The following AP3D1 variants were observed in gnomAD, a reference collection of about 807,000 sequenced individuals.
AP3D1 encodes the protein adaptor related protein complex 3 subunit delta 1, also known as AP-3 complex subunit delta-1.
AP3D1 carries 51 observed loss-of-function variants against 147.6 expected under a neutral mutation model. The ratio of observed to expected loss-of-function variants is 0.35; its 90% CI spans 0.28 to 0.44. AP3D1 has a LOEUF of 0.44. AP3D1 is among the 20% of genes least tolerant of loss of function. The pLI, the probability that AP3D1 is intolerant of heterozygous loss-of-function variation, is 1.00. For missense variants in AP3D1, 1,421 were observed against 1,624.2 expected, an observed-to-expected ratio of 0.87 and a Z score of 2.15; for synonymous variants, 760 against 663.0, an observed-to-expected ratio of 1.15 and a Z score of -2.25.
intron 24 of AP3D1, chr19:2,112,082 C>T: frequency 1.8e-6 from 1 of 555,778 alleles, no homozygotes; most frequent in South Asian, 2.1e-5. Flanking sequence ...GACCAGGGAG[C>T]CATGCAGGGC....
intron 6 of AP3D1, 26 bp from the exon 7 acceptor site, chr19:2,129,483 C>A: frequency 6.2e-7 from 1 of 1,601,440 alleles, no homozygotes; most frequent in Non-Finnish European, 8.5e-7. Flanking sequence ...TTCTCATCAG[C>A]ATGCCTGTCC....
intron 11 of AP3D1, among the ~76,000 whole-genome samples, chr19:2,122,921 G>T (rs1440223718): frequency 3.9e-5 from 6 of 152,222 alleles, no homozygotes; most frequent in Non-Finnish European, 5.9e-5. Context: ...AGCAGCACGG[G>T]GGCACCCACA....
At chr19:2,152,588 G>A (rs1250495907), upstream of AP3D1, among the ~76,000 whole-genome samples, 1 of 150,972 alleles carries the variant, frequency 6.6e-6, no homozygotes, top group Non-Finnish European at 1.5e-5. Context: ...AAAAACTGGG[G>A]TAAGATGGGC....
At chr19:2,135,196 A>G (rs375361442) in intron 4 of AP3D1, among the ~76,000 whole-genome samples, 14 of 151,518 alleles carry the variant, frequency 9.2e-5, no homozygotes, top group Admixed American at 7.2e-4. Context: ...GCAAGACTCC[A>G]TCTCAAAAAC....
intron 1 of AP3D1, among the ~76,000 whole-genome samples, chr19:2,157,696 CCCAT>C (rs1477440318): frequency 1.3e-5 from 2 of 149,840 alleles, no homozygotes; most frequent in African/African-American, 4.9e-5. Flanking sequence ...TCCCCATCCA[CCCAT>C]CCACCCACCC....
At chr19:2,119,789 A>G (rs2018560411) in intron 14 of AP3D1, among the ~76,000 whole-genome samples, 1 of 151,550 alleles carries the variant, frequency 6.6e-6, no homozygotes, top group African/African-American at 2.4e-5. Context: ...CAAAAAAATT[A>G]GCCAGGCTTG....
At chr19:2,111,492 C>T in intron 25 of AP3D1, 160 bp from the exon 26 acceptor site, 1 of 1,207,146 alleles carries the variant, frequency 8.3e-7, no homozygotes, top group Non-Finnish European at 1.2e-6. Context: ...CTCCCAGGAC[C>T]ACACAGCCCA....
intron 9 of AP3D1, among the ~76,000 whole-genome samples, chr19:2,126,669 A>G (rs992835373): frequency 6.6e-6 from 1 of 151,450 alleles, no homozygotes; most frequent in African/African-American, 2.4e-5. Flanking sequence ...AAAAAAAAAA[A>G]AAGAAAGAAA....
intron 1 of AP3D1, among the ~76,000 whole-genome samples, chr19:2,159,605 G>C (rs1416152162): frequency 6.6e-6 from 1 of 151,838 alleles, no homozygotes; most frequent in Non-Finnish European, 1.5e-5. Flanking sequence ...AGCCAGGATG[G>C]TCTCGATCTC....
chr19:2,104,157 CAGACTCCAACACCG>C (rs1477985570), intron 31 of AP3D1, among the ~76,000 whole-genome samples: 1 of 109,004 alleles, frequency 9.2e-6, no homozygotes, highest in Non-Finnish European at 2.1e-5. Context: ...CACCAACACT[CAGACTCCAACACCG>C]AGACACCAAC....
chr19:2,124,433 A>C (rs2018695667), intron 9 of AP3D1, among the ~76,000 whole-genome samples: 1 of 152,200 alleles, frequency 6.6e-6, no homozygotes, highest in African/African-American at 2.4e-5. Flanking sequence ...GGCAGCGAGA[A>C]GCCGACCCTC....
rs991353636 is a variant in AP3D1 at position 2,137,026 on chromosome 19, G to A, written c.339C>T (p.Thr113=). ...GAACACCCACCTTACGGATCTGATT[G>A]GTGGTCAGCATGATGACGTCGGTGC... ...HEGTDVIMLT[T]NQIRKDLSSP... The change falls in exon 4 of 32, where the codon ACC becomes ACT. Residue 113 remains threonine, a synonymous_variant. Transcript: ENST00000643116. 3.8e-6 allele frequency: 6 copies of A among 1,592,946 alleles called. No homozygotes were observed. Among genetic ancestry groups the A allele is most frequent in the Admixed American group, 3.5e-5 (2 of 57,726 alleles).
rs752956946 is a variant in AP3D1 at position 2,111,794 on chromosome 19, T to C, written c.2822A>G (p.Lys941Arg). ...GCCTTTGGTCCGCTCCTCCTTCTCC[T>C]TCCTGTGCTTCTTCTTCTTAGGCTT... The part of the protein sequence containing the change: ...SPKPKKKKHR[K>R]EKEERTKGKK... The change falls in exon 25 of 32, where the codon AAG becomes AGG. Residue 941 changes from lysine to arginine, a missense_variant. Coordinates refer to ENST00000643116, the MANE Select transcript of AP3D1 (RefSeq NM_001261826.3). 1.9e-6 allele frequency: 3 copies of C among 1,613,986 alleles called. No homozygotes were observed. The East Asian group carries it at 6.7e-5, about 36-fold the overall frequency.
intron 30 of AP3D1, 148 bp from the exon 31 acceptor site, chr19:2,108,914 G>T: frequency 7.7e-7 from 1 of 1,304,078 alleles, no homozygotes; most frequent in Non-Finnish European, 1.0e-6. Context: ...GGCCTGGGGT[G>T]TGGGGAATGC....
intron 3 of AP3D1, 118 bp downstream of exon 3, chr19:2,137,609 T>C (rs2019110834): frequency 1.4e-5 from 12 of 876,760 alleles, no homozygotes; most frequent in Admixed American, 8.5e-5. Context: ...TGAATCCACC[T>C]TGGGTAACAG....
intron 1 of AP3D1, among the ~76,000 whole-genome samples, chr19:2,157,441 CAA>C (rs137939397): frequency 4.9e-5 from 5 of 101,172 alleles, no homozygotes; most frequent in African/African-American, 2.9e-4. Context: ...GACTCCGTCT[CAA>C]AAAAAAAAAA....
At chr19:2,130,740 G>T (rs975449781) in intron 5 of AP3D1, among the ~76,000 whole-genome samples, 1 of 152,228 alleles carries the variant, frequency 6.6e-6, no homozygotes, top group Non-Finnish European at 1.5e-5. Flanking sequence ...CTGCCCTCCA[G>T]AGAGAGCCCT....
chr19:2,138,595 C>T (rs542838627), intron 2 of AP3D1, 24 bp downstream of exon 2: 44 of 1,584,772 alleles, frequency 2.8e-5, no homozygotes, highest in Non-Finnish European at 3.0e-5. Flanking sequence ...CAGTGCTGGG[C>T]GCTGGCCACT....
chr19:2,123,740 T>G, intron 10 of AP3D1, 90 bp downstream of exon 10: 1 of 1,464,462 alleles, frequency 6.8e-7, no homozygotes, highest in South Asian at 1.2e-5. Flanking sequence ...GACCAGCACC[T>G]TGGTCACAGG....
Sources: gnomAD v4.1 joint callset for allele counts (sites outside exome capture counted in the v4.1 genomes callset) on GRCh38, gnomAD v4.1.1 for gene constraint, MANE v1.5 for transcripts, NCBI Gene and HGNC (gene_info 2026-07-23, HGNC 2026-07-21) for gene names.